The following HPCAL1 variants were observed in gnomAD, a reference collection of about 807,000 sequenced individuals.
HPCAL1 encodes hippocalcin like 1, also known as hippocalcin-like protein 1.
A neutral mutation model predicts 17.1 loss-of-function variants in HPCAL1; 8 were observed. The ratio of observed to expected loss-of-function variants is 0.47; its 90% CI spans 0.27 to 0.84. HPCAL1 has a LOEUF of 0.84. Ranked by LOEUF, HPCAL1 falls within the 40% of genes least tolerant of loss-of-function variation. The pLI, the probability that HPCAL1 is intolerant of heterozygous loss-of-function variation, is 0.13. For synonymous variants in HPCAL1, 112 were observed against 111.4 expected (o/e 1.01, Z -0.03); for missense variants, 165 against 271.1 (o/e 0.61, Z 2.75).
intron 1 of HPCAL1, among the ~76,000 whole-genome samples, chr2:10,332,710 G>C (rs1664460473): frequency 6.6e-6 from 1 of 152,172 alleles, no homozygotes; most frequent in Non-Finnish European, 1.5e-5. Context: ...CTGGGAAGTG[G>C]AGTGGGCTGG....
chr2:10,350,091 G>A (rs1036865422), intron 1 of HPCAL1, among the ~76,000 whole-genome samples: 1 of 152,050 alleles, frequency 6.6e-6, no homozygotes, highest in Non-Finnish European at 1.5e-5. Context: ...TCTTCTGAGG[G>A]TTTGCATAAA....
intron 1 of HPCAL1, among the ~76,000 whole-genome samples, chr2:10,312,812 GTCA>G (rs929534379): frequency 8.0e-5 from 12 of 149,152 alleles, no homozygotes; most frequent in African/African-American, 2.5e-4. Context: ...CACCATCACC[GTCA>G]TCATCACCAT....
chr2:10,329,024 CTTGCCGTG>C, intron 1 of HPCAL1, among the ~76,000 whole-genome samples: 1 of 151,952 alleles, frequency 6.6e-6, no homozygotes, highest in Admixed American at 6.6e-5. Context: ...GAGATGGGAT[CTTGCCGTG>C]TTGCCCAGGC....
chr2:10,325,179 T>C (rs1663931120), intron 1 of HPCAL1, among the ~76,000 whole-genome samples: 1 of 152,076 alleles, frequency 6.6e-6, no homozygotes, highest in Non-Finnish European at 1.5e-5. Flanking sequence ...AGGGTCTCGC[T>C]CTGTGGCCCA....
At chr2:10,375,149 G>T (rs371896800) in intron 1 of HPCAL1, among the ~76,000 whole-genome samples, 1 of 152,212 alleles carries the variant, frequency 6.6e-6, no homozygotes, top group Non-Finnish European at 1.5e-5. Context: ...CAGTCCTGTC[G>T]GGAGAGGTAA....
In HPCAL1 at chr2:10,357,756, C is replaced by G. The variant is rs575640237; in HGVS notation, c.-110-39079C>G. ...AAAATCAAGAAAGCGTGTTTTTCCT[C>G]CATGCATAATCCCATCCCCGACTGT... On this transcript the variant is annotated intron_variant, in intron 1 of 4. Transcript: ENST00000307845. Among the ~76,000 whole-genome samples the G allele has an allele frequency of 1.9e-4, 29 of 152,276 alleles. No homozygotes were observed. In the South Asian group the frequency reaches 2.7e-3, roughly 14 times the overall value.
chr2:10,411,742 C>T (rs1670369681), intron 2 of HPCAL1, among the ~76,000 whole-genome samples: 1 of 152,200 alleles, frequency 6.6e-6, no homozygotes, highest in African/African-American at 2.4e-5. Context: ...CACCAGGCCC[C>T]AAGGACAGGC....
chr2:10,352,651 A>T (rs909913302), intron 1 of HPCAL1, among the ~76,000 whole-genome samples: 1 of 152,268 alleles, frequency 6.6e-6, no homozygotes, highest in Non-Finnish European at 1.5e-5. Context: ...TCTCCTTCGC[A>T]TGGGTGTCTC....
intron 1 of HPCAL1, among the ~76,000 whole-genome samples, chr2:10,335,915 C>T (rs1664685204): frequency 6.6e-6 from 1 of 152,214 alleles, no homozygotes; most frequent in African/African-American, 2.4e-5. Context: ...TTTCTGCTTT[C>T]CTCTGCTGTA....
rs534854596 is a variant in HPCAL1, at chr2:10,344,477, G to T, written c.-111+41300G>T. 2.6e-5 allele frequency among the ~76,000 whole-genome samples: 4 copies of T among 152,326 alleles called. No homozygotes were observed. Among genetic ancestry groups the T allele is most frequent in the Admixed American group, 6.5e-5 (1 of 15,310 alleles). ...AGCGGCGATTCCATAGTTGTATAGT[G>T]ATTGTCTTTATGGAACTCCAGAATA... On this transcript the variant is annotated intron_variant, in intron 1 of 4. Transcript: ENST00000307845. The surrounding 1 kb of genome is among the most constrained non-coding windows in gnomAD (Gnocchi z 4.9).
chr2:10,416,529 C>G (rs1670685514), intron 2 of HPCAL1, among the ~76,000 whole-genome samples: 1 of 152,186 alleles, frequency 6.6e-6, no homozygotes, highest in South Asian at 2.1e-4. Context: ...TTGTCAGGCA[C>G]TCTGGGAGGC....
chr2:10,355,560 A>G (rs979259505), intron 1 of HPCAL1, among the ~76,000 whole-genome samples: 5 of 151,952 alleles, frequency 3.3e-5, no homozygotes, highest in Admixed American at 6.5e-5. Context: ...GGAAAATGTA[A>G]AAAGTTGTTC....
intron 1 of HPCAL1, among the ~76,000 whole-genome samples, chr2:10,326,502 C>T (rs960097774): frequency 2.6e-5 from 4 of 152,172 alleles, no homozygotes; most frequent in South Asian, 2.1e-4. Flanking sequence ...GGGAATTGGC[C>T]GCCTGGGGTG....
At chr2:10,403,936 G>T (rs1053477413) in intron 2 of HPCAL1, among the ~76,000 whole-genome samples, 2 of 152,074 alleles carry the variant, frequency 1.3e-5, no homozygotes, top group Non-Finnish European at 2.9e-5. Context: ...CCTAAGTTTC[G>T]ATGGTATTTT....
chr2:10,368,231 A>G (rs1054637316), intron 1 of HPCAL1, among the ~76,000 whole-genome samples: 38 of 140,044 alleles, frequency 2.7e-4, no homozygotes, highest in African/African-American at 1.0e-3. Flanking sequence ...GTGTACACAT[A>G]TGCATGTGTG....
rs6724179 is a variant in HPCAL1, at chr2:10,365,782, C to T, written c.-110-31053C>T. ...GGAGAAGAGGGTGTGTGAGGGGGTG[C>T]GGGTGGCCCTCCAGACTGGACCTAG... On this transcript the variant is annotated intron_variant, in intron 1 of 4. Transcript: ENST00000307845. The surrounding 1 kb of genome is among the most constrained non-coding windows in gnomAD (Gnocchi z 4.8). 0.048 allele frequency among the ~76,000 whole-genome samples: 7,301 copies of T among 152,102 alleles called. 607 individuals are homozygous for T. The highest frequency in any genetic ancestry group is 0.17 in the African/African-American group (6,852 of 41,434).
chr2:10,409,938 G>A (rs1294923433), intron 2 of HPCAL1, among the ~76,000 whole-genome samples: 5 of 151,828 alleles, frequency 3.3e-5, no homozygotes, highest in East Asian at 1.9e-4. Flanking sequence ...TACCAGGTGC[G>A]TGCCACCGCA....
At chr2:10,376,439 A>G (rs910278525) in intron 1 of HPCAL1, among the ~76,000 whole-genome samples, 5 of 107,842 alleles carry the variant, frequency 4.6e-5, no homozygotes, top group Non-Finnish European at 8.9e-5. Context: ...TACAAAAAAA[A>G]TCCCTCTTTT....
At chr2:10,349,122 C>T (rs1212453491) in intron 1 of HPCAL1, among the ~76,000 whole-genome samples, 1 of 152,122 alleles carries the variant, frequency 6.6e-6, no homozygotes, top group Non-Finnish European at 1.5e-5. Flanking sequence ...ATGCTGGCCA[C>T]GGCAGTGCAG....
Sources: allele counts gnomAD v4.1 joint callset (sites outside exome capture counted in the v4.1 genomes callset), GRCh38; gene constraint gnomAD v4.1.1; non-coding constraint Gnocchi (gnomAD v3.1); transcripts MANE v1.5; gene names NCBI Gene and HGNC (gene_info 2026-07-23, HGNC 2026-07-21).